Variants in CUL4B observed in about 807,000 individuals in gnomAD.
CUL4B encodes cullin-4B.
Under a neutral mutation model 69.2 loss-of-function variants are expected in CUL4B, and 1 was observed. The ratio of observed to expected loss-of-function variants is 0.01; its 90% CI spans 0.01 to 0.07. CUL4B has a LOEUF of 0.07. CUL4B is among the 10% of genes least tolerant of loss of function. The pLI is 1.00. For synonymous variants in CUL4B, 237 were observed against 223.2 expected, an observed-to-expected ratio of 1.06 and a Z score of -0.55; for missense variants, 328 against 638.8, an observed-to-expected ratio of 0.51 and a Z score of 5.24.
chrX:120,560,810 G>C lies in CUL4B; in HGVS notation c.-172C>G. 1 of 1,040,119 alleles carries C rather than the reference G, an allele frequency of 9.6e-7. No homozygotes were observed. Among genetic ancestry groups the C allele is most frequent in the Non-Finnish European group, 1.2e-6 (1 of 811,569 alleles). 85.7% of individuals were successfully genotyped at this position (1,040,119 alleles called of 1,213,427 possible). On this transcript the variant is annotated 5_prime_UTR_variant, in exon 1 of 20. Coordinates refer to ENST00000371322, the MANE Select transcript of CUL4B (RefSeq NM_001079872.2). ...GGGGGGCTACACCGGGGGAATGGGA[G>C]GGTTTGGGAAGGCGGATAGGCTGAC...
intron 1 of CUL4B, among the ~76,000 whole-genome samples, chrX:120,559,343 G>A (rs1019889951): frequency 3.6e-5 from 4 of 112,075 alleles, no homozygotes; most frequent in Admixed American, 9.5e-5. Flanking sequence ...TTGCCTCAAT[G>A]TATTCATAAT....
chrX:120,542,090 AAAAATT>A (rs373531498), intron 9 of CUL4B, among the ~76,000 whole-genome samples: 39 of 111,708 alleles, frequency 3.5e-4, no homozygotes, highest in African/African-American at 1.3e-3. Context: ...AAAAAGTTAA[AAAAATT>A]AAAAAGAAAA....
intron 12 of CUL4B, 121 bp downstream of exon 12, chrX:120,539,147 A>T: frequency 2.1e-6 from 1 of 477,849 alleles, no homozygotes; most frequent in Non-Finnish European, 3.5e-6. Flanking sequence ...CCAATGAATT[A>T]AACACAATTT....
chrX:120,539,692 A>T (rs1923875698), intron 11 of CUL4B, among the ~76,000 whole-genome samples: 1 of 112,070 alleles, frequency 8.9e-6, no homozygotes, highest in African/African-American at 3.2e-5. Context: ...GCATCATGTA[A>T]TCCAAGCCAC....
chrX:120,543,701 T>A, intron 8 of CUL4B, 26 bp downstream of exon 8: 1 of 1,007,763 alleles, frequency 9.9e-7, no homozygotes, highest in Non-Finnish European at 1.3e-6. Flanking sequence ...AGTTTAAGAC[T>A]ATTAAATTCA....
At chrX:120,549,849 G>A (rs1343242381) in intron 2 of CUL4B, among the ~76,000 whole-genome samples, 1 of 111,682 alleles carries the variant, frequency 9.0e-6, no homozygotes, top group Non-Finnish European at 1.9e-5. Flanking sequence ...CGTTCCTTCT[G>A]AATGACTGTT....
intron 5 of CUL4B, 48 bp downstream of exon 5, chrX:120,545,396 T>C: frequency 4.6e-6 from 4 of 862,116 alleles, no homozygotes; most frequent in Non-Finnish European, 5.1e-6. Flanking sequence ...TAATTAAGAT[T>C]TGAGTATGAT....
At chrX:120,542,306 A>T (rs1486919366) in intron 9 of CUL4B, among the ~76,000 whole-genome samples, 1 of 111,857 alleles carries the variant, frequency 8.9e-6, no homozygotes, top group Non-Finnish European at 1.9e-5. Context: ...AAATAGGTCA[A>T]ATTTAAATGA....
At chrX:120,533,720 C>T (rs1923465182) in intron 17 of CUL4B, among the ~76,000 whole-genome samples, 1 of 111,745 alleles carries the variant, frequency 8.9e-6, no homozygotes. Context: ...CAAGCCAGTA[C>T]TTATGGGTTT....
intron 2 of CUL4B, among the ~76,000 whole-genome samples, chrX:120,549,269 C>G (rs763893940): frequency 7.1e-5 from 8 of 112,069 alleles, no homozygotes; most frequent in Non-Finnish European, 1.3e-4. Flanking sequence ...GAAAAGAAAG[C>G]TTGGCAGAGC....
chrX:120,533,262 C>A (rs1226963008), intron 17 of CUL4B, among the ~76,000 whole-genome samples: 1 of 111,957 alleles, frequency 8.9e-6, no homozygotes, highest in Non-Finnish European at 1.9e-5. Flanking sequence ...TGAATCATCC[C>A]AATAGCATCT....
intron 2 of CUL4B, among the ~76,000 whole-genome samples, chrX:120,557,456 T>C (rs1210072310): frequency 1.8e-5 from 2 of 111,581 alleles, no homozygotes; most frequent in African/African-American, 3.3e-5. Flanking sequence ...GTAGCCCAGG[T>C]ATTAGAAAAA....
chrX:120,549,893 T>C (rs1351151088), intron 2 of CUL4B, among the ~76,000 whole-genome samples: 1 of 112,201 alleles, frequency 8.9e-6, no homozygotes, highest in Admixed American at 9.5e-5. Context: ...GCTTAGATTC[T>C]GTCATATGAC....
chrX:120,544,725 C>A, intron 5 of CUL4B, 82 bp from the exon 6 acceptor site: 1 of 840,721 alleles, frequency 1.2e-6, no homozygotes, highest in Non-Finnish European at 1.8e-6. Flanking sequence ...ACCACATGTT[C>A]CCATGCTAAT....
chrX:120,531,389 G>A (rs1237644890), intron 18 of CUL4B, among the ~76,000 whole-genome samples: 1 of 109,011 alleles, frequency 9.2e-6, no homozygotes, highest in African/African-American at 3.3e-5. Flanking sequence ...TCAGTTTCAG[G>A]ATGCTGCAGT....
At chrX:120,565,875 A>G (rs987643720), upstream of CUL4B, among the ~76,000 whole-genome samples, 7 of 104,223 alleles carry the variant, frequency 6.7e-5, no homozygotes, top group East Asian at 3.2e-4. Flanking sequence ...ACAGGCGCCT[A>G]CCACCACGCC....
At chrX:120,563,429 G>T (rs1925400355), upstream of CUL4B, among the ~76,000 whole-genome samples, 1 of 110,742 alleles carries the variant, frequency 9.0e-6, no homozygotes, top group African/African-American at 3.3e-5. Flanking sequence ...TAGAGTCAGG[G>T]TTTTGCTATG....
upstream of CUL4B, among the ~76,000 whole-genome samples, chrX:120,566,369 A>ATATATGTATATATATATATATATATG: frequency 1.8e-5 from 1 of 56,465 alleles, no homozygotes; most frequent in East Asian, 4.7e-4. Context: ...ATATATATAT[A>ATATATGTATATATATATATATATATG]TATATATATA....
chrX:120,562,343 T>C (rs983849059), upstream of CUL4B, among the ~76,000 whole-genome samples: 4 of 112,498 alleles, frequency 3.6e-5, no homozygotes, highest in Admixed American at 3.8e-4. Flanking sequence ...ATAAACCTTG[T>C]AAATTCCCTG....
Sources: gnomAD v4.1 joint callset for allele counts (sites outside exome capture counted in the v4.1 genomes callset) on GRCh38, gnomAD v4.1.1 for gene constraint, MANE v1.5 for transcripts, NCBI Gene and HGNC (gene_info 2026-07-23, HGNC 2026-07-21) for gene names.